ZNF536: variants seen among roughly 807,000 people sequenced by gnomAD.
ZNF536 encodes zinc finger protein 536.
Under a neutral mutation model 84.5 loss-of-function variants are expected in ZNF536, and 13 were observed. That is an observed-to-expected ratio of 0.15 (90% CI 0.10 to 0.24). ZNF536 has a LOEUF of 0.24. Among genes scored for constraint, ZNF536 ranks in the 10% least tolerant of loss-of-function variants. The probability of loss-of-function intolerance (pLI) is 1.00; values close to 1 mark genes in which losing one functional copy is unlikely to be tolerated. For synonymous variants in ZNF536, 811 were observed against 742.5 expected, an observed-to-expected ratio of 1.09 and a Z score of -1.50; for missense variants, 1,536 against 1,747.5, an observed-to-expected ratio of 0.88 and a Z score of 2.16.
At chr19:30,463,331 C>T (rs563376117) in intron 2 of ZNF536, among the ~76,000 whole-genome samples, 15 of 152,266 alleles carry the variant, frequency 9.9e-5, no homozygotes, top group African/African-American at 3.1e-4. Context: ...AATGCTGGCT[C>T]AGCCTCAGGT....
intron 1 of ZNF536, among the ~76,000 whole-genome samples, chr19:30,255,299 C>T (rs2024852532): frequency 6.6e-6 from 1 of 152,064 alleles, no homozygotes; most frequent in Non-Finnish European, 1.5e-5. Flanking sequence ...GAAATTTTAG[C>T]TTGGGCGCTA....
At chr19:30,503,532 G>A (rs1423989563) in intron 2 of ZNF536, among the ~76,000 whole-genome samples, 5 of 152,198 alleles carry the variant, frequency 3.3e-5, no homozygotes, top group African/African-American at 9.6e-5. Flanking sequence ...TTTCATTTAC[G>A]GAAAATTATG....
intron 1 of ZNF536, among the ~76,000 whole-genome samples, chr19:30,407,474 T>C (rs2050308969): frequency 6.6e-6 from 1 of 152,134 alleles, no homozygotes; most frequent in African/African-American, 2.4e-5. Context: ...TGCCACCATC[T>C]ACCCGGAGAT....
chr19:30,434,219 T>C (rs2051606347), intron 1 of ZNF536, among the ~76,000 whole-genome samples: 1 of 152,234 alleles, frequency 6.6e-6, no homozygotes, highest in Non-Finnish European at 1.5e-5. Context: ...AGCCCTTCTA[T>C]ATATTAAGAA....
intron 1 of ZNF536, among the ~76,000 whole-genome samples, chr19:30,234,537 G>C (rs1022373235): frequency 6.6e-6 from 1 of 151,644 alleles, no homozygotes; most frequent in Non-Finnish European, 1.5e-5. Flanking sequence ...AAGTTGCTGG[G>C]ATTACAAGCA....
At chr19:30,544,531 C>T (rs2045467094) in intron 3 of ZNF536, among the ~76,000 whole-genome samples, 1 of 152,092 alleles carries the variant, frequency 6.6e-6, no homozygotes, top group Non-Finnish European at 1.5e-5. Flanking sequence ...CACTCGCATG[C>T]TGTGTGTGAG....
intron 2 of ZNF536, among the ~76,000 whole-genome samples, chr19:30,349,388 CA>C (rs942109192): frequency 4.5e-4 from 68 of 152,258 alleles, no homozygotes; most frequent in African/African-American, 1.6e-3. Context: ...AATGAGTGGT[CA>C]GGTGGAAAAT....
intron 2 of ZNF536, among the ~76,000 whole-genome samples, chr19:30,287,676 G>C (rs2045692381): frequency 6.9e-6 from 1 of 144,818 alleles, no homozygotes; most frequent in Non-Finnish European, 1.5e-5. Context: ...GTGGGTGGAT[G>C]GATGGATGGA....
upstream of ZNF536, among the ~76,000 whole-genome samples, chr19:30,369,488 C>G (rs572052830): frequency 2.6e-5 from 4 of 152,132 alleles, no homozygotes; most frequent in Non-Finnish European, 4.4e-5. Context: ...CAATTGAGTC[C>G]GACCCGTCTG....
intron 1 of ZNF536, among the ~76,000 whole-genome samples, chr19:30,230,261 G>C (rs759765080): frequency 3.3e-5 from 5 of 152,172 alleles, no homozygotes; most frequent in Non-Finnish European, 5.9e-5. Context: ...TATGAAAAAA[G>C]GTTAGTACCT....
At chr19:30,374,916 C>A (rs1349042086) in intron 1 of ZNF536, among the ~76,000 whole-genome samples, 1 of 151,712 alleles carries the variant, frequency 6.6e-6, no homozygotes, top group Non-Finnish European at 1.5e-5. Context: ...GCCCCATTCA[C>A]GAGCAGGCAG....
chr19:30,445,063 A>C lies in ZNF536; in HGVS notation c.1501A>C (p.Ser501Arg). 1 of 1,613,688 alleles carries C rather than the reference A, an allele frequency of 6.2e-7. No homozygotes were observed. The highest frequency in any genetic ancestry group is 8.5e-7 in the Non-Finnish European group (1 of 1,180,042). ...CAATCTCGTGCCGCCGCTGAAATCC[A>C]GCTGCATCGAGCGGCTGCAGGCGGC... ...CLNLVPPLKS[S>R]CIERLQAAAK... is the part of the protein sequence containing the mutation. Residue 501 changes from serine to arginine, a missense_variant, in exon 2 of 5, where the codon AGC (serine) becomes CGC (arginine). Physicochemically the swap from Ser to Arg is moderately radical, Grantham distance 110. Transcript: ENST00000355537. The surrounding 1 kb of genome is among the most constrained non-coding windows in gnomAD (Gnocchi z 4.5).
chr19:30,515,183 G>A (rs2055584256), intron 2 of ZNF536, among the ~76,000 whole-genome samples: 1 of 152,118 alleles, frequency 6.6e-6, no homozygotes, highest in Non-Finnish European at 1.5e-5. Flanking sequence ...GATCACTTGA[G>A]CCCAGGAGTT....
rs1377246252 is a variant in ZNF536 at position 30,705,919 on chromosome 19, CAG to C, written c.170-4834_170-4833del. On this transcript the variant is annotated intron_variant, in intron 1 of 1. Coordinates refer to the ZNF536 transcript ENST00000592773. ...TATACATTTGGCTATTACCAAGAAA[CAG>C]AGATTCAAAATATAACCATAGGATA... Among the ~76,000 whole-genome samples the C allele has an allele frequency of 2.6e-5, 4 of 152,190 alleles. No individual in the cohort carries two copies. The East Asian group carries it at 7.7e-4, about 29-fold the overall frequency.
chr19:30,690,940 A>G (rs1259651601), intron 1 of ZNF536, among the ~76,000 whole-genome samples: 1 of 152,122 alleles, frequency 6.6e-6, no homozygotes, highest in Non-Finnish European at 1.5e-5. Context: ...TTAGCAAATC[A>G]TTGTAGAAGG....
intron 3 of ZNF536, among the ~76,000 whole-genome samples, chr19:30,536,399 G>C (rs1230230248): frequency 6.6e-6 from 1 of 152,090 alleles, no homozygotes; most frequent in Non-Finnish European, 1.5e-5. Context: ...CACATCCCCT[G>C]CAATTATCTT....
At chr19:30,437,338 G>T (rs906738475) in intron 1 of ZNF536, among the ~76,000 whole-genome samples, 1 of 152,170 alleles carries the variant, frequency 6.6e-6, no homozygotes, top group African/African-American at 2.4e-5. Flanking sequence ...ACAGGAAATA[G>T]TCTTGAAGGC....
chr19:30,649,636 GAC>G (rs1312263465), intron 1 of ZNF536, among the ~76,000 whole-genome samples: 3 of 145,996 alleles, frequency 2.1e-5, no homozygotes, highest in Admixed American at 1.4e-4. Context: ...AAGTGAAAAA[GAC>G]ACAGGAACAG....
intron 1 of ZNF536, among the ~76,000 whole-genome samples, chr19:30,705,073 G>T (rs1034524375): frequency 2.6e-5 from 4 of 152,164 alleles, no homozygotes; most frequent in African/African-American, 7.2e-5. Context: ...ACTCAGAAAT[G>T]TGTCATGTCC....
Sources: gnomAD v4.1 joint callset for allele counts (sites outside exome capture counted in the v4.1 genomes callset) on GRCh38, gnomAD v4.1.1 for gene constraint, Gnocchi (gnomAD v3.1) non-coding constraint, MANE v1.5 for transcripts, NCBI Gene and HGNC (gene_info 2026-07-23, HGNC 2026-07-21) for gene names.